Variants in BAIAP2L1 observed in about 807,000 individuals in gnomAD.
BAIAP2L1 encodes the protein BAR/IMD domain containing adaptor protein 2 like 1, also known as BAR/IMD domain-containing adapter protein 2-like 1.
BAIAP2L1 carries 35 observed loss-of-function variants against 66.3 expected under a neutral mutation model. That is an observed-to-expected ratio of 0.53 (90% CI 0.40 to 0.70). The LOEUF (loss-of-function observed/expected upper bound fraction) is 0.70, where lower values mean the gene tolerates loss of function less well. Ranked by LOEUF, BAIAP2L1 falls within the 30% of genes least tolerant of loss-of-function variation. BAIAP2L1 has a pLI of 0.00. For missense variants in BAIAP2L1, 622 were observed against 656.9 expected (o/e 0.95, Z 0.58); for synonymous variants, 269 against 248.7 (o/e 1.08, Z -0.77).
At chr7:98,386,345 T>C in intron 1 of BAIAP2L1, 2 of 1,593,746 alleles carry the variant, frequency 1.3e-6, no homozygotes, top group South Asian at 1.1e-5. Flanking sequence ...ATTTTCTAAA[T>C]GCAACTTCAT....
intron 1 of BAIAP2L1, among the ~76,000 whole-genome samples, chr7:98,395,417 C>A (rs549807351): frequency 7.1e-4 from 102 of 142,896 alleles, no homozygotes; most frequent in Non-Finnish European, 1.4e-3. Flanking sequence ...CCAGCCTGGG[C>A]GACAGAGCAA....
intron 12 of BAIAP2L1, among the ~76,000 whole-genome samples, chr7:98,302,974 T>C (rs569546716): frequency 6.6e-6 from 1 of 152,270 alleles, no homozygotes; most frequent in Admixed American, 6.5e-5. Context: ...TTTGTCTACA[T>C]AGGGTTTTGC....
At chr7:98,390,657 G>C (rs1366059723) in intron 1 of BAIAP2L1, among the ~76,000 whole-genome samples, 1 of 151,830 alleles carries the variant, frequency 6.6e-6, no homozygotes, top group African/African-American at 2.4e-5. Flanking sequence ...GCGTGAACCT[G>C]GGAGGCAGAG....
intron 3 of BAIAP2L1, among the ~76,000 whole-genome samples, chr7:98,343,747 T>C (rs1801803967): frequency 6.6e-6 from 1 of 152,188 alleles, no homozygotes; most frequent in Admixed American, 6.5e-5. Context: ...ACACAAGAGA[T>C]CTTCTACTGT....
At chr7:98,295,146 C>G (rs1301581699) in intron 12 of BAIAP2L1, among the ~76,000 whole-genome samples, 2 of 152,232 alleles carry the variant, frequency 1.3e-5, no homozygotes, top group East Asian at 3.9e-4. Context: ...CTCTCATGCC[C>G]GATGCCAGCG....
intron 12 of BAIAP2L1, among the ~76,000 whole-genome samples, chr7:98,297,990 G>C (rs1033880363): frequency 1.3e-5 from 2 of 152,212 alleles, no homozygotes; most frequent in Non-Finnish European, 2.9e-5. Context: ...CAGCACCTTG[G>C]GAGGCCAAGG....
At chr7:98,365,664 G>C (rs1201711811) in intron 1 of BAIAP2L1, among the ~76,000 whole-genome samples, 6 of 152,038 alleles carry the variant, frequency 3.9e-5, no homozygotes, top group Non-Finnish European at 8.8e-5. Flanking sequence ...ATTTTTGGTA[G>C]AGACAGGGTT....
chr7:98,303,379 T>TC, intron 12 of BAIAP2L1, among the ~76,000 whole-genome samples: 1 of 152,186 alleles, frequency 6.6e-6, no homozygotes, highest in South Asian at 2.1e-4. Context: ...CCCAGCCTCC[T>TC]CCCCTTCACC....
At chr7:98,314,938 G>A (rs1379109763) in intron 7 of BAIAP2L1, among the ~76,000 whole-genome samples, 1 of 152,200 alleles carries the variant, frequency 6.6e-6, no homozygotes, top group Non-Finnish European at 1.5e-5. Context: ...TTTAAATATG[G>A]ATGTATTATT....
chr7:98,370,372 C>A (rs868474388), intron 1 of BAIAP2L1, among the ~76,000 whole-genome samples: 1,860 of 103,060 alleles, frequency 0.018, no homozygotes, highest in South Asian at 0.029. Context: ...GGCTCCGTCT[C>A]AAAAAAAAAA....
At chr7:98,309,749 GGAT>G (rs985440012) in intron 9 of BAIAP2L1, 1 of 152,348 alleles carries the variant, frequency 6.6e-6, no homozygotes, top group African/African-American at 2.4e-5. Flanking sequence ...CACCCCACGT[GGAT>G]GGGTTGGGGC....
intron 11 of BAIAP2L1, 66 bp from the exon 12 acceptor site, chr7:98,304,442 T>G: frequency 6.5e-7 from 1 of 1,539,636 alleles, no homozygotes; most frequent in East Asian, 2.3e-5. Flanking sequence ...AAACATCCTC[T>G]GTGTCCCTGA....
intron 3 of BAIAP2L1, among the ~76,000 whole-genome samples, chr7:98,335,023 G>A (rs549236625): frequency 6.7e-6 from 1 of 150,112 alleles, no homozygotes; most frequent in African/African-American, 2.4e-5. Context: ...CGTGGTGGCG[G>A]GTGCCTGTAG....
chr7:98,332,954 T>C lies in BAIAP2L1; in HGVS notation c.215-12656A>G, dbSNP rs116350175. ...GCGACCCAGCCTCATGCCTTCTGTC[T>C]GCAGACCTCATCCTCGCCTGCCCCT... is the stretch of plus-strand genomic sequence containing the variant. On this transcript the variant is annotated intron_variant, in intron 3 of 13. Coordinates refer to ENST00000005260, the MANE Select transcript of BAIAP2L1 (RefSeq NM_018842.5). Among the ~76,000 whole-genome samples, 497 of 152,126 alleles carry C rather than the reference T, an allele frequency of 3.3e-3. 1 individual carries two copies. The highest frequency in any genetic ancestry group is 0.011 in the African/African-American group (465 of 41,476).
rs1325955825 is a variant in BAIAP2L1 at position 98,294,112 on chromosome 7, C to T, written c.1423-1G>A. 1 of 1,613,998 alleles carries T rather than the reference C, an allele frequency of 6.2e-7. No homozygotes were observed. Among genetic ancestry groups the T allele is most frequent in the African/African-American group, 1.3e-5 (1 of 75,046 alleles). On this transcript the variant is annotated splice_acceptor_variant, in intron 12 of 13. Coordinates refer to ENST00000005260, the MANE Select transcript of BAIAP2L1 (RefSeq NM_018842.5). LOFTEE classifies it high-confidence loss of function. ...GCTTTGCAGTCCCGTTGGCATCGTT[C>T]TGTGAGAAAGATAAAGAAGTTTATG...
chr7:98,365,698 TAA>T (rs1252903124), intron 1 of BAIAP2L1, among the ~76,000 whole-genome samples: 1 of 152,170 alleles, frequency 6.6e-6, no homozygotes, highest in Non-Finnish European at 1.5e-5. Context: ...CAGACTGGTC[TAA>T]AACTCCTGAG....
At position 98,386,216 on chromosome 7, in the gene BAIAP2L1, C is replaced by T. The variant is rs1056245605; in HGVS notation, c.51+14586G>A. On this transcript the variant is annotated intron_variant, in intron 1 of 13. Transcript: ENST00000005260. ...TAACCATCGGTAGTCTTGACATCAA[C>T]GTGAGCTTCAATCATTGTCTGCCAT... The T allele has an allele frequency of 1.6e-5, 24 of 1,517,278 alleles. No individual in the cohort carries two copies. The East Asian group carries it at 4.3e-4, about 27-fold the overall frequency. 94.0% of individuals were successfully genotyped at this position (1,517,278 alleles called of 1,614,324 possible). A position where few individuals can be genotyped will look rare whatever the true frequency, so the allele number is the denominator to read the frequency against.
Position 98,304,332 on chromosome 7 carries a change from T to G in BAIAP2L1, c.1286A>C (p.Asn429Thr). Residue 429 changes from asparagine (N) to threonine (T), a missense_variant, in exon 12 of 14, where the codon AAT becomes ACT. Coordinates refer to ENST00000005260, the MANE Select transcript of BAIAP2L1 (RefSeq NM_018842.5). The stretch of plus-strand genomic sequence containing the variant: ...GGGTGGGGGGATGACAACACTGCTA[T>G]TCTCAGACAAGTTCACGGTGCTGAT... Reference protein sequence around the residue: ...RSISTVNLSENSSVVIPPPDY... With the variant: ...RSISTVNLSETSSVVIPPPDY... 1 of 1,613,708 alleles carries G rather than the reference T, an allele frequency of 6.2e-7. No homozygotes were observed. Among genetic ancestry groups the G allele is most frequent in the Non-Finnish European group, 8.5e-7 (1 of 1,179,814 alleles).
chr7:98,350,767 C>A (rs981069969), intron 3 of BAIAP2L1, among the ~76,000 whole-genome samples: 3 of 152,218 alleles, frequency 2.0e-5, no homozygotes, highest in African/African-American at 7.2e-5. Context: ...TAGATCTCCC[C>A]TTCCCAAATA....
Sources: allele counts gnomAD v4.1 joint callset (sites outside exome capture counted in the v4.1 genomes callset), GRCh38; gene constraint gnomAD v4.1.1; transcripts MANE v1.5; gene names NCBI Gene and HGNC (gene_info 2026-07-23, HGNC 2026-07-21).